Variants in CTNND2 observed in about 807,000 individuals in gnomAD.
The protein encoded by CTNND2 is catenin delta 2.
Under a neutral mutation model 144.4 loss-of-function variants are expected in CTNND2, and 22 were observed. The ratio of observed to expected loss-of-function variants is 0.15; its 90% CI spans 0.11 to 0.22. The LOEUF (loss-of-function observed/expected upper bound fraction) is 0.22. CTNND2 is among the 10% of genes least tolerant of loss of function. CTNND2 has a pLI of 1.00. For missense variants in CTNND2, 1,353 were observed against 1,618.8 expected (o/e 0.84, Z 2.82); for synonymous variants, 751 against 695.6 (o/e 1.08, Z -1.25).
chr5:11,416,865 C>T (rs1177967309), intron 3 of CTNND2, among the ~76,000 whole-genome samples: 1 of 152,054 alleles, frequency 6.6e-6, no homozygotes, highest in East Asian at 1.9e-4. Flanking sequence ...GTAAAAAAGA[C>T]TATAGACATA....
At chr5:11,860,843 T>G (rs561192143) in intron 1 of CTNND2, among the ~76,000 whole-genome samples, 12 of 152,296 alleles carry the variant, frequency 7.9e-5, no homozygotes, top group African/African-American at 2.6e-4. Flanking sequence ...ATATTGCAAA[T>G]ATAGGGCATT....
intron 1 of CTNND2, among the ~76,000 whole-genome samples, chr5:11,856,345 G>A (rs1455939006): frequency 2.6e-5 from 4 of 152,202 alleles, no homozygotes; most frequent in Admixed American, 6.5e-5. Flanking sequence ...GCTGTGGAAG[G>A]GGAGGCTGAT....
intron 9 of CTNND2, among the ~76,000 whole-genome samples, chr5:11,337,060 G>A (rs930409725): frequency 8.5e-5 from 13 of 152,144 alleles, no homozygotes; most frequent in Admixed American, 3.3e-4. Context: ...TCACAATCTT[G>A]TTCAAGACTA....
At chr5:11,367,595 T>C (rs1002873896) in intron 7 of CTNND2, among the ~76,000 whole-genome samples, 1 of 152,220 alleles carries the variant, frequency 6.6e-6, no homozygotes, top group African/African-American at 2.4e-5. Flanking sequence ...ACGTCATTCA[T>C]GAGAATTTAC....
intron 3 of CTNND2, among the ~76,000 whole-genome samples, chr5:11,467,766 C>T (rs1230050703): frequency 6.6e-6 from 1 of 152,170 alleles, no homozygotes; most frequent in Non-Finnish European, 1.5e-5. Flanking sequence ...TGAATCCTAA[C>T]CACTTAGCTG....
chr5:11,620,132 G>T (rs898017854), intron 2 of CTNND2, among the ~76,000 whole-genome samples: 2 of 152,112 alleles, frequency 1.3e-5, no homozygotes, highest in Admixed American at 1.3e-4. Context: ...TCCAAGAAAT[G>T]AATAATGGCT....
rs114445748 is a variant in CTNND2 at position 11,299,215 on chromosome 5, C to T, written c.1628+47157G>A. Among the ~76,000 whole-genome samples the T allele has an allele frequency of 6.7e-3, 1,018 of 152,196 alleles. 8 individuals carry two copies. Among genetic ancestry groups the T allele is most frequent in the African/African-American group, 0.023 (957 of 41,516 alleles). The stretch of plus-strand genomic sequence containing the variant: ...GTTCTTTGGTTTTGGACTGGCTTTT[C>T]TTCACGGTTTGGTCTAAATTTACCA... On this transcript the variant is annotated intron_variant, in intron 9 of 21. Coordinates refer to ENST00000304623, the MANE Select transcript of CTNND2 (RefSeq NM_001332.4).
chr5:11,547,114 C>A (rs912222714), intron 3 of CTNND2, among the ~76,000 whole-genome samples: 2 of 151,864 alleles, frequency 1.3e-5, no homozygotes, highest in African/African-American at 2.4e-5. Context: ...ACTAAAAATA[C>A]AAAAATTAGC....
intron 1 of CTNND2, among the ~76,000 whole-genome samples, chr5:11,820,771 T>G (rs1793266302): frequency 6.6e-6 from 1 of 152,210 alleles, no homozygotes; most frequent in Admixed American, 6.5e-5. Flanking sequence ...TTGAGTAAAC[T>G]CTTTGAAACT....
At chr5:11,079,281 G>C (rs1408502996) in intron 16 of CTNND2, among the ~76,000 whole-genome samples, 3 of 152,022 alleles carry the variant, frequency 2.0e-5, no homozygotes, top group African/African-American at 4.8e-5. Context: ...CTTGCCACGG[G>C]GGTTGGTCCA....
intron 1 of CTNND2, among the ~76,000 whole-genome samples, chr5:11,874,136 T>C (rs1160292686): frequency 1.3e-5 from 2 of 152,176 alleles, no homozygotes; most frequent in Non-Finnish European, 2.9e-5. Context: ...CCCATCCTAG[T>C]TTTAAGTTAA....
chr5:11,422,016 C>T (rs1004548925), intron 3 of CTNND2, among the ~76,000 whole-genome samples: 2 of 152,122 alleles, frequency 1.3e-5, no homozygotes, highest in East Asian at 1.9e-4. Context: ...GGACTGCCCC[C>T]GCACTCCAGC....
intron 1 of CTNND2, among the ~76,000 whole-genome samples, chr5:11,760,639 C>G (rs917292176): frequency 8.6e-5 from 13 of 152,004 alleles, no homozygotes; most frequent in Admixed American, 7.2e-4. Context: ...TAGATTCCTC[C>G]TAGAGGAAGG....
At chr5:11,784,343 C>T (rs1172940269) in intron 1 of CTNND2, among the ~76,000 whole-genome samples, 2 of 152,160 alleles carry the variant, frequency 1.3e-5, no homozygotes, top group African/African-American at 2.4e-5. Context: ...GAAAATAATA[C>T]AGGATCTGTC....
chr5:11,689,884 G>T (rs1183456617), intron 2 of CTNND2, among the ~76,000 whole-genome samples: 2 of 152,144 alleles, frequency 1.3e-5, no homozygotes, highest in Admixed American at 1.3e-4. Context: ...AAGCTATTTT[G>T]TTACAGCAGC....
Position 11,346,470 on chromosome 5 carries a change from G to A in CTNND2, c.1530C>T (p.Pro510=). ...ATTTGCTGTATGGAGACTCAACAGAGGGACAATACTGCAGCTGTCGGTAGG... is the reference window on the plus strand; with the variant it reads ...ATTTGCTGTATGGAGACTCAACAGAAGGACAATACTGCAGCTGTCGGTAGG... ...ADPYRQLQYC[P]SVESPYSKSG... The change falls in exon 9 of 22, where the codon CCC becomes CCT. Residue 510 remains proline (P), a synonymous_variant. Transcript: ENST00000304623. The A allele has an allele frequency of 1.3e-6, 2 of 1,598,994 alleles. No homozygotes were observed. The highest frequency in any genetic ancestry group is 8.5e-7 in the Non-Finnish European group (1 of 1,172,316).
At chr5:11,351,867 G>T (rs1299220309) in intron 8 of CTNND2, among the ~76,000 whole-genome samples, 2 of 152,116 alleles carry the variant, frequency 1.3e-5, no homozygotes, top group African/African-American at 4.8e-5. Context: ...ATGTCCCTCT[G>T]AAAGTTCAGA....
At chr5:11,684,109 A>AT (rs934676658) in intron 2 of CTNND2, among the ~76,000 whole-genome samples, 48 of 146,614 alleles carry the variant, frequency 3.3e-4, no homozygotes, top group South Asian at 2.2e-3. Context: ...TTTATTTTTT[A>AT]TTTTTTTTTT....
chr5:11,600,705 C>CAAAAAAA, intron 2 of CTNND2, among the ~76,000 whole-genome samples: 1 of 80,598 alleles, frequency 1.2e-5, no homozygotes, highest in Non-Finnish European at 2.4e-5. Context: ...GATTCTGTCT[C>CAAAAAAA]AAAAAAAAAA....
Sources: gnomAD v4.1 joint callset for allele counts (sites outside exome capture counted in the v4.1 genomes callset) on GRCh38, gnomAD v4.1.1 for gene constraint, MANE v1.5 for transcripts, NCBI Gene and HGNC (gene_info 2026-07-23, HGNC 2026-07-21) for gene names.